Variants in MGMT observed in about 807,000 individuals in gnomAD.
MGMT encodes O-6-methylguanine-DNA methyltransferase.
A neutral mutation model predicts 15.9 loss-of-function variants in MGMT; 14 were observed. The ratio of observed to expected loss-of-function variants is 0.88; its 90% confidence interval spans 0.58 to 1.37. The LOEUF (loss-of-function observed/expected upper bound fraction) is 1.37. MGMT is among the 40% of genes most tolerant of loss of function. The pLI is 0.00. For synonymous variants in MGMT, 130 were observed against 118.2 expected (o/e 1.10, Z -0.65); for missense variants, 282 against 268.1 (o/e 1.05, Z -0.36).
At chr10:129,651,695 C>G (rs1847460387) in intron 2 of MGMT, among the ~76,000 whole-genome samples, 1 of 152,148 alleles carries the variant, frequency 6.6e-6, no homozygotes, top group Middle Eastern at 3.2e-3. Flanking sequence ...CGTGCTCATC[C>G]TGGCCCTGTT....
chr10:129,562,736 A>C (rs1589867858), intron 2 of MGMT, among the ~76,000 whole-genome samples: 1 of 152,198 alleles, frequency 6.6e-6, no homozygotes, highest in Non-Finnish European at 1.5e-5. Context: ...TGGCTGTGGG[A>C]CTTCGCACTG....
At chr10:129,712,635 T>A (rs1283992274) in intron 3 of MGMT, among the ~76,000 whole-genome samples, 2 of 152,110 alleles carry the variant, frequency 1.3e-5, no homozygotes, top group Non-Finnish European at 2.9e-5. Flanking sequence ...TCCTGGAAGA[T>A]GGGCCCTCTT....
chr10:129,556,413 C>T lies in MGMT; in HGVS notation c.125+20036C>T, dbSNP rs1444951867. ...ACGGAGGGATGGCCACGTGAGGACCCTGGGAGAAGGCTGCCTTCTGCAAGC... is the reference window on the plus strand; with the variant it reads ...ACGGAGGGATGGCCACGTGAGGACCTTGGGAGAAGGCTGCCTTCTGCAAGC... On this transcript the variant is annotated intron_variant, in intron 2 of 4. Coordinates refer to ENST00000651593, the MANE Select transcript of MGMT (RefSeq NM_002412.5). This position sits in a 1 kb window ranked among gnomAD's most constrained non-coding sequence, Gnocchi z 4.3. Among the ~76,000 whole-genome samples, 1 of 152,148 alleles carries T rather than the reference C, an allele frequency of 6.6e-6. No homozygotes were observed. The highest frequency in any genetic ancestry group is 1.9e-4 in the East Asian group (1 of 5,170).
chr10:129,704,351 C>T (rs1220818185), intron 2 of MGMT, among the ~76,000 whole-genome samples: 1 of 152,104 alleles, frequency 6.6e-6, no homozygotes, highest in African/African-American at 2.4e-5. Flanking sequence ...AGCCCGGCTT[C>T]CCCCAGGGCC....
chr10:129,587,747 A>G (rs1846634229), intron 2 of MGMT, among the ~76,000 whole-genome samples: 1 of 150,286 alleles, frequency 6.7e-6, no homozygotes, highest in Non-Finnish European at 1.5e-5. Flanking sequence ...ATATTTTTCT[A>G]CTCACCTTTT....
chr10:129,532,598 A>G lies in MGMT; in HGVS notation c.-12-3643A>G, dbSNP rs542059713. On this transcript the variant is annotated intron_variant, in intron 1 of 4. Transcript: ENST00000651593. The surrounding 1 kb of genome is among the most constrained non-coding windows in gnomAD (Gnocchi z 5.3). The stretch of plus-strand genomic sequence containing the variant: ...CCCCCAGTGGCCTTCCAAGGCTCCT[A>G]CCTTTCTCCCTGGCCCTGTCTCTGC... Among the ~76,000 whole-genome samples, 10 of 151,582 alleles carry G rather than the reference A, an allele frequency of 6.6e-5. No homozygotes were observed. The highest frequency in any genetic ancestry group is 2.0e-4 in the Admixed American group (3 of 15,262).
chr10:129,707,545 CTG>C (rs370538649), intron 2 of MGMT, among the ~76,000 whole-genome samples: 4 of 152,154 alleles, frequency 2.6e-5, no homozygotes, highest in South Asian at 2.1e-4. Flanking sequence ...AGTCTAATGA[CTG>C]TGTCGATATT....
intron 2 of MGMT, among the ~76,000 whole-genome samples, chr10:129,588,649 A>C (rs1846645254): frequency 6.6e-6 from 1 of 152,192 alleles, no homozygotes; most frequent in Non-Finnish European, 1.5e-5. Flanking sequence ...CCCTGGGTCC[A>C]GTCCTGCCTG....
intron 2 of MGMT, among the ~76,000 whole-genome samples, chr10:129,670,513 G>T (rs943757403): frequency 2.0e-5 from 3 of 152,208 alleles, no homozygotes; most frequent in Admixed American, 2.0e-4. Flanking sequence ...AGGCAATAAT[G>T]AAAAGCATAA....
At chr10:129,577,429 A>G (rs1846497546) in intron 2 of MGMT, among the ~76,000 whole-genome samples, 1 of 152,244 alleles carries the variant, frequency 6.6e-6, no homozygotes, top group African/African-American at 2.4e-5. Context: ...AAAAGAAGAA[A>G]TGGGGAAAGG....
intron 2 of MGMT, chr10:129,536,933 G>A (rs1845991277): frequency 6.6e-6 from 1 of 152,094 alleles, no homozygotes; most frequent in Admixed American, 6.5e-5. Context: ...CAGGGGGAAG[G>A]GCCCGAAAGC....
At position 129,592,068 on chromosome 10, in the gene MGMT, A is replaced by G. The variant is rs548439242; in HGVS notation, c.125+55691A>G. Among the ~76,000 whole-genome samples, 135 of 152,372 alleles carry G rather than the reference A, an allele frequency of 8.9e-4. 1 individual carries two copies. Among genetic ancestry groups the G allele is most frequent in the Non-Finnish European group, 1.6e-3 (106 of 68,034 alleles). On this transcript the variant is annotated intron_variant, in intron 2 of 4. Coordinates refer to ENST00000651593, the MANE Select transcript of MGMT (RefSeq NM_002412.5). ...GAAGTGTGCGTAAAGCACTTCTGCCATGGACCAAAGCAGGGATGTTTTCCG... is the reference window on the plus strand; with the variant it reads ...GAAGTGTGCGTAAAGCACTTCTGCCGTGGACCAAAGCAGGGATGTTTTCCG...
chr10:129,468,400 C>G (rs1190463833), intron 1 of MGMT, among the ~76,000 whole-genome samples: 1 of 152,080 alleles, frequency 6.6e-6, no homozygotes, highest in Non-Finnish European at 1.5e-5. Context: ...TGCCCAGACC[C>G]GGAGTCTGCC....
At chr10:129,608,233 T>C (rs1362573140) in intron 2 of MGMT, among the ~76,000 whole-genome samples, 2 of 152,246 alleles carry the variant, frequency 1.3e-5, no homozygotes, top group African/African-American at 2.4e-5. Context: ...CTGTTGAATT[T>C]ACTAGTATAT....
intron 2 of MGMT, among the ~76,000 whole-genome samples, chr10:129,648,969 T>C (rs1340507212): frequency 6.6e-6 from 1 of 152,126 alleles, no homozygotes; most frequent in Non-Finnish European, 1.5e-5. Context: ...TTGAGTACAA[T>C]GGAAAATGGC....
intron 1 of MGMT, among the ~76,000 whole-genome samples, chr10:129,493,692 A>T (rs1381644946): frequency 6.6e-6 from 1 of 152,198 alleles, no homozygotes; most frequent in African/African-American, 2.4e-5. Context: ...ACTGTGCGCC[A>T]GGCCCAGTGT....
At chr10:129,660,796 A>ACG (rs1847588240) in intron 2 of MGMT, among the ~76,000 whole-genome samples, 1 of 151,262 alleles carries the variant, frequency 6.6e-6, no homozygotes, top group Non-Finnish European at 1.5e-5. Context: ...ACACACACAC[A>ACG]CACGCACACA....
intron 2 of MGMT, among the ~76,000 whole-genome samples, chr10:129,593,202 G>A (rs999165759): frequency 6.6e-5 from 10 of 152,150 alleles, no homozygotes; most frequent in Non-Finnish European, 1.2e-4. Flanking sequence ...GATGTTATCC[G>A]GACAGGAGAT....
At chr10:129,608,369 C>T (rs1000273227) in intron 2 of MGMT, among the ~76,000 whole-genome samples, 7 of 152,202 alleles carry the variant, frequency 4.6e-5, no homozygotes, top group African/African-American at 1.7e-4. Context: ...GGGTTTGCGC[C>T]GCAGCTGCGT....
Sources: allele counts gnomAD v4.1 joint callset (sites outside exome capture counted in the v4.1 genomes callset), GRCh38; gene constraint gnomAD v4.1.1; non-coding constraint Gnocchi (gnomAD v3.1); transcripts MANE v1.5; gene names NCBI Gene and HGNC (gene_info 2026-07-23, HGNC 2026-07-21).